Variants in CDH20 observed in about 807,000 individuals in gnomAD.
CDH20 encodes cadherin-20.
In CDH20, 29 loss-of-function variants were observed where a neutral mutation model predicts 74.2. That is an observed-to-expected ratio of 0.39 (90% CI 0.29 to 0.53). The LOEUF is 0.53. CDH20 is among the 20% of genes least tolerant of loss of function. The pLI is 0.69. For synonymous variants in CDH20, 469 were observed against 405.4 expected, an observed-to-expected ratio of 1.16 and a Z score of -1.88; for missense variants, 988 against 1,048.3, an observed-to-expected ratio of 0.94 and a Z score of 0.79.
At chr18:61,354,054 A>G (rs1464513878) in intron 1 of CDH20, among the ~76,000 whole-genome samples, 1 of 138,344 alleles carries the variant, frequency 7.2e-6, no homozygotes, top group African/African-American at 2.6e-5. Flanking sequence ...AAAAAAAAAA[A>G]GAAAAAGAAA....
chr18:61,491,271 C>A (rs1910952098), intron 2 of CDH20, among the ~76,000 whole-genome samples: 1 of 151,758 alleles, frequency 6.6e-6, no homozygotes, highest in African/African-American at 2.4e-5. Flanking sequence ...TTAGCATGTG[C>A]TTTAGGATAG....
At chr18:61,411,868 T>C (rs897679400) in intron 1 of CDH20, among the ~76,000 whole-genome samples, 2 of 151,940 alleles carry the variant, frequency 1.3e-5, no homozygotes, top group African/African-American at 4.8e-5. Flanking sequence ...TGGGAAGGGG[T>C]AAGGCAAAAA....
At chr18:61,520,135 T>C (rs1438158186) in intron 6 of CDH20, among the ~76,000 whole-genome samples, 3 of 149,818 alleles carry the variant, frequency 2.0e-5, no homozygotes, top group Non-Finnish European at 4.4e-5. Context: ...GCTAACACGA[T>C]GAAACCCCAT....
chr18:61,413,149 T>C (rs934759595), intron 1 of CDH20, among the ~76,000 whole-genome samples: 14 of 152,100 alleles, frequency 9.2e-5, no homozygotes, highest in Non-Finnish European at 1.9e-4. Flanking sequence ...ATACAAAATG[T>C]TTTAATTTTA....
intron 1 of CDH20, among the ~76,000 whole-genome samples, chr18:61,387,582 C>A (rs772603858): frequency 6.6e-6 from 1 of 152,198 alleles, no homozygotes; most frequent in Non-Finnish European, 1.5e-5. Context: ...ATGTGATTTA[C>A]AGAGTCAAGT....
chr18:61,341,085 G>A (rs12607639), intron 1 of CDH20, among the ~76,000 whole-genome samples: 72,005 of 152,036 alleles, frequency 0.47, 17,631 homozygotes, highest in East Asian at 0.7. Context: ...AACTAACTGG[G>A]TGATACAGCC....
At chr18:61,347,033 C>T (rs1910134408) in intron 1 of CDH20, among the ~76,000 whole-genome samples, 1 of 151,812 alleles carries the variant, frequency 6.6e-6, no homozygotes, top group South Asian at 2.1e-4. Context: ...TTTGCTCTTG[C>T]TTTCTGTTCC....
At chr18:61,461,838 C>A (rs1428651271) in intron 1 of CDH20, among the ~76,000 whole-genome samples, 1 of 152,098 alleles carries the variant, frequency 6.6e-6, no homozygotes, top group Non-Finnish European at 1.5e-5. Flanking sequence ...GAAGTAGTGG[C>A]CCTCAATCAG....
chr18:61,549,908 C>T (rs775059472), intron 10 of CDH20, 70 bp from the exon 11 acceptor site: 5 of 1,537,046 alleles, frequency 3.3e-6, no homozygotes, highest in Non-Finnish European at 4.4e-6. Flanking sequence ...CCCCTGCCCC[C>T]TTGCTTTCCT....
intron 1 of CDH20, among the ~76,000 whole-genome samples, chr18:61,427,167 C>G (rs1913100057): frequency 6.6e-6 from 1 of 152,000 alleles, no homozygotes; most frequent in South Asian, 2.1e-4. Flanking sequence ...GTTCACTTCC[C>G]TAAGTCTGTT....
Position 61,353,766 on chromosome 18 carries a change from T to C in CDH20, c.-153+19939T>C, listed in dbSNP as rs1333585692. 6.6e-6 allele frequency among the ~76,000 whole-genome samples: 1 copy of C among 152,040 alleles called. No homozygotes were observed. The highest frequency in any genetic ancestry group is 1.9e-4 in the East Asian group (1 of 5,176). On this transcript the variant is annotated intron_variant, in intron 1 of 11. Transcript: ENST00000262717. The surrounding 1 kb of genome is among the most constrained non-coding windows in gnomAD (Gnocchi z 4.6). Reference sequence around the variant, plus strand: ...ACAAGGACGTTCAGCTTTAAACTTATGTTAATAAAAGTTAAAAAAAATCTT... The same window carrying C: ...ACAAGGACGTTCAGCTTTAAACTTACGTTAATAAAAGTTAAAAAAAATCTT...
At chr18:61,411,494 G>A (rs1306105804) in intron 1 of CDH20, among the ~76,000 whole-genome samples, 1 of 151,192 alleles carries the variant, frequency 6.6e-6, no homozygotes, top group Non-Finnish European at 1.5e-5. Context: ...GCAAAAACGT[G>A]GAACCAACCC....
At chr18:61,507,267 AC>A in intron 5 of CDH20, 105 bp from the exon 6 acceptor site, 1 of 1,106,452 alleles carries the variant, frequency 9.0e-7, no homozygotes. Context: ...TACTTTTTGA[AC>A]CCAGAAAAAA....
intron 1 of CDH20, among the ~76,000 whole-genome samples, chr18:61,470,786 G>T (rs556994428): frequency 7.9e-5 from 12 of 152,246 alleles, no homozygotes; most frequent in African/African-American, 2.9e-4. Flanking sequence ...TTTTATTACA[G>T]ATAGAGGTTT....
chr18:61,516,746 T>C (rs1357979805), intron 6 of CDH20, among the ~76,000 whole-genome samples: 1 of 152,208 alleles, frequency 6.6e-6, no homozygotes, highest in African/African-American at 2.4e-5. Flanking sequence ...ATTTAAATGT[T>C]AAGAGCTGAG....
At chr18:61,339,580 A>C (rs1421831673) in intron 1 of CDH20, among the ~76,000 whole-genome samples, 2 of 152,030 alleles carry the variant, frequency 1.3e-5, no homozygotes, top group Non-Finnish European at 2.9e-5. Context: ...ACCAATCATG[A>C]CTAAATAACT....
chr18:61,554,855 AT>A lies in CDH20; in HGVS notation c.*162del, dbSNP rs33924379. 6.9e-3 allele frequency: 9,690 copies of A among 1,408,122 alleles called. 527 individuals are homozygous for A. In the African/African-American group the frequency reaches 0.12, roughly 17 times the overall value. 87.2% of individuals were successfully genotyped at this position (1,408,122 alleles called of 1,614,324 possible). ...CTCTGGATCAGCTTTACTTGGGTAGATTAAGTTAAATAAGCAAAAGGAAACC... is the reference window on the plus strand; with the variant it reads ...CTCTGGATCAGCTTTACTTGGGTAGATAAGTTAAATAAGCAAAAGGAAACC... On this transcript the variant is annotated 3_prime_UTR_variant, in exon 12 of 12. Coordinates refer to ENST00000262717, the MANE Select transcript of CDH20 (RefSeq NM_031891.4).
chr18:61,447,184 A>C (rs2144329954), intron 1 of CDH20, among the ~76,000 whole-genome samples: 1 of 152,332 alleles, frequency 6.6e-6, no homozygotes, highest in Non-Finnish European at 1.5e-5. Context: ...GAATATGGGG[A>C]CCTAGTGAGT....
intron 1 of CDH20, among the ~76,000 whole-genome samples, chr18:61,486,867 G>T (rs995546867): frequency 3.3e-5 from 5 of 152,098 alleles, no homozygotes; most frequent in African/African-American, 1.2e-4. Flanking sequence ...ACCATGAAAA[G>T]CTCAGGAAAA....
Sources: gnomAD v4.1 joint callset for allele counts (sites outside exome capture counted in the v4.1 genomes callset) on GRCh38, gnomAD v4.1.1 for gene constraint, Gnocchi (gnomAD v3.1) non-coding constraint, MANE v1.5 for transcripts, NCBI Gene and HGNC (gene_info 2026-07-23, HGNC 2026-07-21) for gene names.